TMEM132B: variants seen among roughly 807,000 people sequenced by gnomAD.
TMEM132B encodes transmembrane protein 132B.
TMEM132B carries 18 observed loss-of-function variants against 90.8 expected under a neutral mutation model. That is an observed-to-expected ratio of 0.20 (90% CI 0.14 to 0.29). TMEM132B has a LOEUF of 0.29. TMEM132B is among the 10% of genes least tolerant of loss of function. TMEM132B has a pLI of 1.00. For missense variants in TMEM132B, 1,096 were observed against 1,326.8 expected (o/e 0.83, Z 2.70); for synonymous variants, 504 against 523.3 (o/e 0.96, Z 0.50).
At chr12:125,215,520 A>G (rs1460743216) in intron 1 of TMEM132B, among the ~76,000 whole-genome samples, 1 of 151,202 alleles carries the variant, frequency 6.6e-6, no homozygotes, top group Admixed American at 6.6e-5. Flanking sequence ...ATTTTCTCTG[A>G]CTCCAACTCT....
chr12:125,238,993 A>C (rs1424119055), intron 1 of TMEM132B, among the ~76,000 whole-genome samples: 2 of 152,126 alleles, frequency 1.3e-5, no homozygotes, highest in Non-Finnish European at 2.9e-5. Context: ...AGGGAGACTG[A>C]GTTTCAGTCT....
At chr12:125,468,485 A>G (rs1881628276) in intron 3 of TMEM132B, among the ~76,000 whole-genome samples, 2 of 152,214 alleles carry the variant, frequency 1.3e-5, no homozygotes, top group East Asian at 1.9e-4. Context: ...GGGGAAGCCC[A>G]ATGTATGTTC....
At chr12:125,513,340 CTGTGTGCG>C (rs1396930454) in intron 3 of TMEM132B, among the ~76,000 whole-genome samples, 6 of 151,892 alleles carry the variant, frequency 4.0e-5, no homozygotes, top group East Asian at 1.9e-4. Context: ...GTGCGTGTGC[CTGTGTGCG>C]TGTGTGCGTG....
At chr12:125,609,233 A>G (rs1017460745) in intron 5 of TMEM132B, among the ~76,000 whole-genome samples, 1 of 152,162 alleles carries the variant, frequency 6.6e-6, no homozygotes, top group Admixed American at 6.5e-5. Context: ...GAGCGAAACC[A>G]TATCAGACCA....
intron 2 of TMEM132B, among the ~76,000 whole-genome samples, chr12:125,403,094 G>A (rs779132956): frequency 6.6e-6 from 1 of 152,160 alleles, no homozygotes; most frequent in Non-Finnish European, 1.5e-5. Context: ...CTGCAAAACT[G>A]AGTCCAATGT....
chr12:125,254,014 G>A (rs925484268), intron 1 of TMEM132B, among the ~76,000 whole-genome samples: 2 of 152,170 alleles, frequency 1.3e-5, no homozygotes, highest in African/African-American at 2.4e-5. Flanking sequence ...ACTAGACTGG[G>A]CGCGGTGGCT....
chr12:125,571,007 A>G (rs999326898), intron 4 of TMEM132B, among the ~76,000 whole-genome samples: 6 of 152,182 alleles, frequency 3.9e-5, no homozygotes, highest in African/African-American at 1.4e-4. Flanking sequence ...TCTACTAAAA[A>G]CTAAGTTTTG....
intron 1 of TMEM132B, among the ~76,000 whole-genome samples, chr12:125,195,573 A>G (rs527984172): frequency 1.3e-5 from 2 of 151,708 alleles, no homozygotes; most frequent in East Asian, 3.9e-4. Flanking sequence ...TAATTTTTGT[A>G]TTTTTAGTAG....
chr12:125,592,966 C>G (rs1311774727), intron 5 of TMEM132B, among the ~76,000 whole-genome samples: 2 of 152,082 alleles, frequency 1.3e-5, no homozygotes, highest in African/African-American at 4.8e-5. Context: ...AAGACTAATC[C>G]GAATTTTACT....
At chr12:125,613,467 G>A (rs1258432875) in intron 5 of TMEM132B, among the ~76,000 whole-genome samples, 1 of 151,210 alleles carries the variant, frequency 6.6e-6, no homozygotes, top group African/African-American at 2.4e-5. Context: ...TGCTATGTTT[G>A]AATTTACATT....
chr12:125,630,082 G>A (rs776719159), intron 5 of TMEM132B, among the ~76,000 whole-genome samples: 4 of 151,956 alleles, frequency 2.6e-5, no homozygotes, highest in African/African-American at 9.7e-5. Flanking sequence ...TGCACCAGAG[G>A]TATTGGCCTG....
chr12:125,555,443 T>C (rs1376354802), intron 4 of TMEM132B, among the ~76,000 whole-genome samples: 1 of 150,820 alleles, frequency 6.6e-6, no homozygotes, highest in Non-Finnish European at 1.5e-5. Flanking sequence ...GAGTGCATCA[T>C]ATTGAAACTG....
At chr12:125,189,831 C>A (rs1007160564) in intron 1 of TMEM132B, among the ~76,000 whole-genome samples, 1 of 152,080 alleles carries the variant, frequency 6.6e-6, no homozygotes, top group Non-Finnish European at 1.5e-5. Flanking sequence ...GTCTCTGGGC[C>A]GGCAAAGCCC....
intron 2 of TMEM132B, among the ~76,000 whole-genome samples, chr12:125,384,760 C>T (rs1410254246): frequency 6.6e-6 from 1 of 152,110 alleles, no homozygotes; most frequent in Non-Finnish European, 1.5e-5. Context: ...AAGCAATTCT[C>T]CTGCCTCAGC....
chr12:125,608,896 G>A (rs1566088183), intron 5 of TMEM132B, among the ~76,000 whole-genome samples: 1 of 151,950 alleles, frequency 6.6e-6, no homozygotes, highest in Non-Finnish European at 1.5e-5. Context: ...CTGTTCTCAT[G>A]CTGCTATGAA....
intron 4 of TMEM132B, among the ~76,000 whole-genome samples, chr12:125,530,779 C>T (rs1156765323): frequency 6.6e-6 from 1 of 152,212 alleles, no homozygotes; most frequent in African/African-American, 2.4e-5. Context: ...CTTATAAGGA[C>T]ACCAGTCCTT....
chr12:125,409,521 C>G (rs1003031260), intron 2 of TMEM132B, among the ~76,000 whole-genome samples: 1 of 151,800 alleles, frequency 6.6e-6, no homozygotes, highest in East Asian at 1.9e-4. Flanking sequence ...TAATTGTGTC[C>G]CAAGCCTCAG....
intron 1 of TMEM132B, among the ~76,000 whole-genome samples, chr12:125,243,032 T>TATATATATATATACACAC (rs1215676534): frequency 1.5e-5 from 2 of 135,030 alleles, no homozygotes; most frequent in African/African-American, 5.5e-5. Flanking sequence ...TATATATATA[T>TATATATATATATACACAC]ACACACACAC....
chr12:125,278,869 A>C (rs957418736), intron 1 of TMEM132B, among the ~76,000 whole-genome samples: 1 of 151,764 alleles, frequency 6.6e-6, no homozygotes, highest in African/African-American at 2.4e-5. Flanking sequence ...ACTGAGAGAA[A>C]CTCTTGAATT....
Sources: gnomAD v4.1 joint callset for allele counts (sites outside exome capture counted in the v4.1 genomes callset) on GRCh38, gnomAD v4.1.1 for gene constraint, MANE v1.5 for transcripts, NCBI Gene and HGNC (gene_info 2026-07-23, HGNC 2026-07-21) for gene names.